DYNC2I2: variants seen among roughly 807,000 people sequenced by gnomAD.
DYNC2I2 encodes dynein 2 intermediate chain 2.
DYNC2I2 carries 39 observed loss-of-function variants against 52.0 expected under a neutral mutation model. The observed-to-expected ratio is 0.75, with a 90% confidence interval of 0.58 to 0.98. The LOEUF is 0.98. DYNC2I2 is among the 50% of genes least tolerant of loss of function. The pLI, the probability that DYNC2I2 is intolerant of heterozygous loss-of-function variation, is 0.00. For missense variants in DYNC2I2, 743 were observed against 728.4 expected (o/e 1.02, Z -0.23); for synonymous variants, 359 against 321.1 (o/e 1.12, Z -1.26).
At chr9:128,679,391 C>T in the DYNC2I2 span, among the ~76,000 whole-genome samples, 2 of 152,106 alleles carry the variant, frequency 1.3e-5, no homozygotes, top group Admixed American at 1.3e-4. Context: ...CCTTTTCTTC[C>T]ACCAGAGAAA....
chr9:128,635,896 T>C (rs895381786), intron 4 of DYNC2I2, 129 bp from the exon 5 acceptor site: 6 of 843,622 alleles, frequency 7.1e-6, no homozygotes, highest in Admixed American at 4.4e-5. Context: ...TGGCTGGAAG[T>C]CATCCCCACA....
rs1447465834 is a variant in DYNC2I2 at position 128,633,996 on chromosome 9, C to G, written c.1373-14G>C. 6.8e-6 allele frequency: 11 copies of G among 1,612,566 alleles called. No homozygotes were observed. The highest frequency in any genetic ancestry group is 1.3e-5 in the African/African-American group (1 of 74,906). ...GCTGCACGTCACCTGCAAAGAGAGA[C>G]AGATACGTGGAGTAAGAGAAACTCT... On this transcript the variant is annotated splice_polypyrimidine_tract_variant and intron_variant, in intron 8 of 8. Coordinates refer to ENST00000372715, the MANE Select transcript of DYNC2I2 (RefSeq NM_052844.4).
At chr9:128,675,067 AAGGCTATGTTGGTAT>A in the DYNC2I2 span, among the ~76,000 whole-genome samples, 8 of 152,034 alleles carry the variant, frequency 5.3e-5, no homozygotes, top group Non-Finnish European at 1.0e-4. Context: ...TCATTACACT[AAGGCTATGTTGGTAT>A]AGGGGAGCCA....
chr9:128,637,101 T>C, intron 2 of DYNC2I2, 74 bp from the exon 3 acceptor site: 4 of 1,064,820 alleles, frequency 3.8e-6, no homozygotes, highest in Non-Finnish European at 5.7e-6. Flanking sequence ...AAACCCCACC[T>C]AGGCCAGGCC....
chr9:128,666,401 A>C, the DYNC2I2 span, among the ~76,000 whole-genome samples: 1 of 151,514 alleles, frequency 6.6e-6, no homozygotes, highest in Non-Finnish European at 1.5e-5. Flanking sequence ...AAAAAAAAAA[A>C]AGCCAAAATA....
At chr9:128,655,356 A>AAAAAAAAAAAAAG (rs1860797784) in intron 1 of DYNC2I2, among the ~76,000 whole-genome samples, 1 of 138,268 alleles carries the variant, frequency 7.2e-6, no homozygotes, top group Non-Finnish European at 1.6e-5. Flanking sequence ...AAAAAAAAAA[A>AAAAAAAAAAAAAG]AAAAATTAGC....
intron 1 of DYNC2I2, 55 bp from the exon 2 acceptor site, chr9:128,640,994 A>C (rs2132156695): frequency 6.6e-7 from 1 of 1,517,660 alleles, no homozygotes; most frequent in Non-Finnish European, 8.8e-7. Context: ...CACAGCCCCC[A>C]CCCAGCCCCC....
the DYNC2I2 span, among the ~76,000 whole-genome samples, chr9:128,662,950 G>A: frequency 4.6e-5 from 7 of 151,242 alleles, no homozygotes; most frequent in East Asian, 2.0e-4. Context: ...GACTACAGGC[G>A]TGGGCCACCA....
upstream of DYNC2I2, among the ~76,000 whole-genome samples, chr9:128,657,270 C>A (rs745938701): frequency 6.6e-6 from 1 of 152,068 alleles, no homozygotes; most frequent in Non-Finnish European, 1.5e-5. Context: ...AGCTGGGAGG[C>A]CCAAATGAGG....
At chr9:128,670,355 G>A in the DYNC2I2 span, among the ~76,000 whole-genome samples, 6 of 151,922 alleles carry the variant, frequency 3.9e-5, no homozygotes, top group Non-Finnish European at 7.4e-5. Flanking sequence ...CAGGAAAATC[G>A]CTTGAACCTG....
At chr9:128,669,654 A>G in the DYNC2I2 span, among the ~76,000 whole-genome samples, 2 of 152,080 alleles carry the variant, frequency 1.3e-5, no homozygotes, top group African/African-American at 2.4e-5. Context: ...CCGACATCGC[A>G]CTATTGCACG....
chr9:128,676,076 A>T, the DYNC2I2 span, among the ~76,000 whole-genome samples: 1 of 152,148 alleles, frequency 6.6e-6, no homozygotes, highest in Admixed American at 6.6e-5. Context: ...CTGAGGAGGG[A>T]GGATCACTTA....
chr9:128,646,158 T>C (rs1860613975), intron 1 of DYNC2I2, among the ~76,000 whole-genome samples: 1 of 151,736 alleles, frequency 6.6e-6, no homozygotes, highest in African/African-American at 2.4e-5. Context: ...AAGATCTAGC[T>C]CAGATTATTG....
intron 2 of DYNC2I2, among the ~76,000 whole-genome samples, chr9:128,637,343 A>C (rs1860435028): frequency 6.6e-6 from 1 of 152,256 alleles, no homozygotes. Flanking sequence ...GCCCAGCAGC[A>C]TAAAAGTGCC....
At chr9:128,651,837 C>T (rs1414866965) in intron 1 of DYNC2I2, 1 of 147,486 alleles carries the variant, frequency 6.8e-6, no homozygotes, top group Admixed American at 6.8e-5. Context: ...ATTGCTTGAA[C>T]CCAGGAGGCA....
At chr9:128,637,568 A>G (rs1376287437) in intron 2 of DYNC2I2, among the ~76,000 whole-genome samples, 2 of 152,048 alleles carry the variant, frequency 1.3e-5, no homozygotes, top group Admixed American at 6.6e-5. Context: ...TCAGCCTCCC[A>G]AGTAGCTGGG....
Position 128,634,030 on chromosome 9 carries a change from A to G in DYNC2I2, c.1373-48T>C, listed in dbSNP as rs148453112. ...GGAGTAAGAGAAACTCTAGAGACCA[A>G]CCACATGGCAGGAGGAGGCTAATGC... On this transcript the variant is annotated intron_variant, in intron 8 of 8. Transcript: ENST00000372715. The G allele has an allele frequency of 2.7e-4, 432 of 1,600,630 alleles. 2 individuals are homozygous for G. The African/African-American group carries it at 3.8e-3, about 14-fold the overall frequency.
rs1222701463 is a variant in DYNC2I2 at position 128,634,395 on chromosome 9, G to A, written c.1215-12C>T. ...TCAGGAAGAGATTCCTAGACGGGAT[G>A]CAGGGGGCCAGGCAAGGGAATCAGT... On this transcript the variant is annotated splice_polypyrimidine_tract_variant and intron_variant, in intron 7 of 8. Transcript: ENST00000372715. 4.5e-6 allele frequency: 7 copies of A among 1,566,302 alleles called. No individual in the cohort carries two copies. The highest frequency in any genetic ancestry group is 2.7e-5 in the African/African-American group (2 of 73,656).
At chr9:128,678,431 T>C in the DYNC2I2 span, among the ~76,000 whole-genome samples, 1 of 146,342 alleles carries the variant, frequency 6.8e-6, no homozygotes, top group East Asian at 2.0e-4. Context: ...AATGTTCATG[T>C]GTAGAGACCA....
Sources: allele counts gnomAD v4.1 joint callset (sites outside exome capture counted in the v4.1 genomes callset), GRCh38; gene constraint gnomAD v4.1.1; transcripts MANE v1.5; gene names NCBI Gene and HGNC (gene_info 2026-07-23, HGNC 2026-07-21).